Variants in PHACTR3 observed in about 807,000 individuals in gnomAD.
The protein encoded by PHACTR3 is protein phosphatase 1, regulatory subunit 123.
Under a neutral mutation model 66.8 loss-of-function variants are expected in PHACTR3, and 16 were observed. That is an observed-to-expected ratio of 0.24 (90% CI 0.16 to 0.36). PHACTR3 has a LOEUF of 0.36. Among genes scored for constraint, PHACTR3 ranks in the 10% least tolerant of loss-of-function variants. PHACTR3 has a pLI of 1.00. For synonymous variants in PHACTR3, 323 were observed against 292.1 expected (o/e 1.11, Z -1.08); for missense variants, 647 against 719.9 (o/e 0.90, Z 1.16).
In PHACTR3 at chr20:59,736,907, G is replaced by C. The variant is rs531345179; in HGVS notation, c.119-6200G>C. ...GGGGATGCAGAGCAGCACAGCCTGG[G>C]GCCCCTGGGCATGGGGTCTTCACTC... is the stretch of plus-strand genomic sequence containing the variant. On this transcript the variant is annotated intron_variant, in intron 1 of 12. Transcript: ENST00000371015. The surrounding 1 kb of genome is among the most constrained non-coding windows in gnomAD (Gnocchi z 4.6). 3.5e-4 allele frequency among the ~76,000 whole-genome samples: 53 copies of C among 152,272 alleles called. No individual in the cohort carries two copies. Among genetic ancestry groups the C allele is most frequent in the African/African-American group, 1.3e-3 (53 of 41,582 alleles).
At chr20:59,778,497 G>A (rs2040613493) in intron 7 of PHACTR3, among the ~76,000 whole-genome samples, 1 of 152,322 alleles carries the variant, frequency 6.6e-6, no homozygotes, top group Middle Eastern at 3.4e-3. Context: ...GAAGCCACCT[G>A]GCCGCTGTGT....
chr20:59,691,115 G>T (rs2037092150), intron 1 of PHACTR3, among the ~76,000 whole-genome samples: 1 of 152,200 alleles, frequency 6.6e-6, no homozygotes, highest in African/African-American at 2.4e-5. Flanking sequence ...TCAGGAGGTT[G>T]GAGGAACTAG....
chr20:59,762,268 T>C (rs1287457621), intron 4 of PHACTR3, among the ~76,000 whole-genome samples: 2 of 152,210 alleles, frequency 1.3e-5, no homozygotes, highest in South Asian at 4.1e-4. Context: ...GGGGAACCCA[T>C]AGTCCCACCT....
At chr20:59,796,961 C>A (rs2041268004) in intron 7 of PHACTR3, among the ~76,000 whole-genome samples, 1 of 152,072 alleles carries the variant, frequency 6.6e-6, no homozygotes, top group African/African-American at 2.4e-5. Flanking sequence ...TATCTGTCTT[C>A]TTTGAAAATT....
chr20:59,718,466 ACCATC>A (rs2038175971), intron 1 of PHACTR3, among the ~76,000 whole-genome samples: 12 of 152,104 alleles, frequency 7.9e-5, no homozygotes, highest in Admixed American at 7.9e-4. Flanking sequence ...ACCCACCTGG[ACCATC>A]TACAAGGGTC....
At chr20:59,723,046 T>C (rs1601190022) in intron 1 of PHACTR3, among the ~76,000 whole-genome samples, 1 of 146,350 alleles carries the variant, frequency 6.8e-6, no homozygotes. Context: ...ATTTCTCTTT[T>C]TCTTTCTTTC....
At chr20:59,582,077 C>T (rs1345325428) in intron 1 of PHACTR3, among the ~76,000 whole-genome samples, 1 of 152,176 alleles carries the variant, frequency 6.6e-6, no homozygotes, top group Non-Finnish European at 1.5e-5. Context: ...GAAAACATTG[C>T]AAATAAGGCT....
intron 8 of PHACTR3, among the ~76,000 whole-genome samples, chr20:59,834,503 T>C (rs2042469417): frequency 6.6e-6 from 1 of 152,156 alleles, no homozygotes; most frequent in Non-Finnish European, 1.5e-5. Context: ...CCTAATTCCT[T>C]CTCCAAGACC....
Position 59,743,234 on chromosome 20 carries a change from A to G in PHACTR3, c.246A>G (p.Lys82=). ...GRIFKPWKWR[K]KKNEKLKQTT... The stretch of plus-strand genomic sequence containing the variant: ...TCTTCAAACCCTGGAAATGGAGGAA[A>G]AAGAAAAACGAAAAACTGAAGCAGA... Residue 82 remains lysine, a synonymous_variant, in exon 2 of 13, where the codon AAA becomes AAG. Coordinates refer to ENST00000371015, the MANE Select transcript of PHACTR3 (RefSeq NM_080672.5). 3.1e-6 allele frequency: 5 copies of G among 1,614,138 alleles called. No homozygotes were observed. Among genetic ancestry groups the G allele is most frequent in the Non-Finnish European group, 4.2e-6 (5 of 1,179,996 alleles).
intron 1 of PHACTR3, among the ~76,000 whole-genome samples, chr20:59,662,739 C>T (rs573134783): frequency 3.3e-5 from 5 of 152,018 alleles, no homozygotes; most frequent in South Asian, 2.1e-4. Context: ...TTTCTGCAAT[C>T]GCTGAGGCAG....
At chr20:59,587,426 G>A (rs1207965469) in intron 1 of PHACTR3, among the ~76,000 whole-genome samples, 1 of 152,234 alleles carries the variant, frequency 6.6e-6, no homozygotes, top group African/African-American at 2.4e-5. Context: ...TTTCCTCGTG[G>A]ATGGAGTGTA....
chr20:59,682,528 G>A (rs1483898793), intron 1 of PHACTR3, among the ~76,000 whole-genome samples: 6 of 152,174 alleles, frequency 3.9e-5, no homozygotes, highest in East Asian at 3.8e-4. Flanking sequence ...GTAGGGGATC[G>A]TCCTGCATGT....
intron 8 of PHACTR3, among the ~76,000 whole-genome samples, chr20:59,822,786 G>C (rs575311182): frequency 1.3e-5 from 2 of 152,354 alleles, no homozygotes; most frequent in East Asian, 3.9e-4. Context: ...GCCTCACTAG[G>C]AGTGGGGGAT....
intron 8 of PHACTR3, among the ~76,000 whole-genome samples, chr20:59,827,621 A>T (rs2042231565): frequency 6.6e-6 from 1 of 152,106 alleles, no homozygotes; most frequent in South Asian, 2.1e-4. Context: ...GGTGGAGGAC[A>T]AGAGACACTG....
At chr20:59,810,621 T>C (rs1341152495) in intron 8 of PHACTR3, among the ~76,000 whole-genome samples, 1 of 152,240 alleles carries the variant, frequency 6.6e-6, no homozygotes, top group African/African-American at 2.4e-5. Context: ...GCGATTTCCT[T>C]TTTTTAATTT....
rs369502354 is a variant in PHACTR3 at position 59,605,164 on chromosome 20, C to A, written c.118+32C>A. On this transcript the variant is annotated intron_variant, in intron 1 of 12. Coordinates refer to ENST00000371015, the MANE Select transcript of PHACTR3 (RefSeq NM_080672.5). ...GGCTGGGCGGGGGCGGCGGGCGGGTCGGGGAGGCCCGAGGCAGGTGGCGCT... is the reference window on the plus strand; with the variant it reads ...GGCTGGGCGGGGGCGGCGGGCGGGTAGGGGAGGCCCGAGGCAGGTGGCGCT... The A allele has an allele frequency of 1.3e-3, 1,475 of 1,145,864 alleles. 22 individuals are homozygous for A. The African/African-American group carries it at 0.022, about 17-fold the overall frequency. 71.0% of individuals were successfully genotyped at this position (1,145,864 alleles called of 1,614,324 possible). A position where few individuals can be genotyped will look rare whatever the true frequency, so the allele number is the denominator to read the frequency against.
chr20:59,769,619 C>T (rs1469716030), intron 5 of PHACTR3, among the ~76,000 whole-genome samples: 1 of 152,214 alleles, frequency 6.6e-6, no homozygotes, highest in Non-Finnish European at 1.5e-5. Flanking sequence ...CTCTCTCTAA[C>T]CACCTGCCCC....
At chr20:59,840,767 G>A (rs2059043841) in intron 10 of PHACTR3, among the ~76,000 whole-genome samples, 1 of 152,180 alleles carries the variant, frequency 6.6e-6, no homozygotes, top group African/African-American at 2.4e-5. Flanking sequence ...GGGTATCAGT[G>A]TTTTAGTCAC....
At chr20:59,809,432 T>C (rs1222462032) in intron 8 of PHACTR3, among the ~76,000 whole-genome samples, 2 of 152,208 alleles carry the variant, frequency 1.3e-5, no homozygotes, top group African/African-American at 2.4e-5. Context: ...GTTTCTCTGA[T>C]TTCTGGTGAG....
Sources: allele counts gnomAD v4.1 joint callset (sites outside exome capture counted in the v4.1 genomes callset), GRCh38; gene constraint gnomAD v4.1.1; non-coding constraint Gnocchi (gnomAD v3.1); transcripts MANE v1.5; gene names NCBI Gene and HGNC (gene_info 2026-07-23, HGNC 2026-07-21).